ZMYND12: variants seen among roughly 807,000 people sequenced by gnomAD.
The protein encoded by ZMYND12 is zinc finger MYND-type containing 12, also known as zinc finger MYND domain-containing protein 12.
In ZMYND12, 32 loss-of-function variants were observed where a neutral mutation model predicts 41.7. The ratio of observed to expected loss-of-function variants is 0.77; its 90% CI spans 0.58 to 1.03. The LOEUF (loss-of-function observed/expected upper bound fraction) is 1.03. ZMYND12 is among the 50% of genes least tolerant of loss of function. The pLI, the probability that ZMYND12 is intolerant of heterozygous loss-of-function variation, is 0.00. For synonymous variants in ZMYND12, 148 were observed against 164.8 expected, an observed-to-expected ratio of 0.90 and a Z score of 0.78; for missense variants, 424 against 438.5, an observed-to-expected ratio of 0.97 and a Z score of 0.30.
In ZMYND12 at chr1:42,433,065, G is replaced by A. The variant is rs915628536; in HGVS notation, c.975+78C>T. On this transcript the variant is annotated intron_variant, in intron 7 of 7. Coordinates refer to ENST00000372565, the MANE Select transcript of ZMYND12 (RefSeq NM_032257.5). ...TGAGGGCAAAAGCTATTGGAATTGG[G>A]CAAAACACAAATTTTGAGTTCAACT... The A allele has an allele frequency of 4.5e-5, 71 of 1,582,964 alleles. No individual in the cohort carries two copies. The African/African-American group carries it at 9.0e-4, about 20-fold the overall frequency.
chr1:42,437,401 G>A (rs79719052), intron 4 of ZMYND12, among the ~76,000 whole-genome samples: 2,572 of 150,772 alleles, frequency 0.017, 64 homozygotes, highest in African/African-American at 0.059. Flanking sequence ...AATTGTACAC[G>A]TAAAATGGGT....
chr1:42,448,367 T>C (rs1643045857), intron 3 of ZMYND12, 100 bp downstream of exon 3: 1 of 1,326,478 alleles, frequency 7.5e-7, no homozygotes. Context: ...CTACAATAGG[T>C]CTCTTGGTGC....
rs1642871434 is a variant in ZMYND12, at chr1:42,433,153, T to C, written c.965A>G (p.Asn322Ser). ...ILVMFYYLMM[N>S]SSKAQEYGMR... Reference sequence around the variant, plus strand: ...TTTAGGGAAACTTGCCTTTGAAGAATTCATCATCAGGTAGTAAAACATGAC... The same window carrying C: ...TTTAGGGAAACTTGCCTTTGAAGAACTCATCATCAGGTAGTAAAACATGAC... Residue 322 changes from asparagine (N) to serine (S), a missense_variant, in exon 7 of 8, where the codon AAT becomes AGT. Coordinates refer to ENST00000372565, the MANE Select transcript of ZMYND12 (RefSeq NM_032257.5). The C allele has an allele frequency of 6.2e-7, 1 of 1,607,560 alleles. No homozygotes were observed. The highest frequency in any genetic ancestry group is 1.3e-5 in the African/African-American group (1 of 74,592).
intron 3 of ZMYND12, among the ~76,000 whole-genome samples, chr1:42,441,796 A>G (rs1346341250): frequency 6.6e-6 from 1 of 151,558 alleles, no homozygotes; most frequent in Non-Finnish European, 1.5e-5. Context: ...AATTTTTTGT[A>G]TTTTTAGTAG....
At position 42,436,465 on chromosome 1, in the gene ZMYND12, A is replaced by C; in HGVS notation, c.673T>G (p.Tyr225Asp). Residue 225 changes from tyrosine to aspartate, a missense_variant, in exon 5 of 8, where the codon TAT becomes GAT. Coordinates refer to ENST00000372565, the MANE Select transcript of ZMYND12 (RefSeq NM_032257.5). Reference sequence around the variant, plus strand: ...GCCAGGTCCAACTTTTTAAGGTCATAGAATATATTAGCCAGGTGGAAGTAG... The same window carrying C: ...GCCAGGTCCAACTTTTTAAGGTCATCGAATATATTAGCCAGGTGGAAGTAG... ...GGYFHLANIF[Y>D]DLKKLDLADT... The C allele has an allele frequency of 6.2e-7, 1 of 1,613,842 alleles. No homozygotes were observed. Among genetic ancestry groups the C allele is most frequent in the Non-Finnish European group, 8.5e-7 (1 of 1,179,720 alleles).
chr1:42,446,444 G>C (rs987262774), intron 3 of ZMYND12, among the ~76,000 whole-genome samples: 13 of 152,134 alleles, frequency 8.5e-5, no homozygotes, highest in South Asian at 4.2e-4. Flanking sequence ...GATCACTTGA[G>C]GACAGGAGTT....
Position 42,436,561 on chromosome 1 carries a change from A to T in ZMYND12, c.595-18T>A. 1.2e-6 allele frequency: 2 copies of T among 1,611,768 alleles called. No homozygotes were observed. Among genetic ancestry groups the T allele is most frequent in the Non-Finnish European group, 1.7e-6 (2 of 1,178,280 alleles). ...AAATAAATCTATAGCAGAAGGAAGA[A>T]GGAGAGTGCTTGAGTTCCTTTTGCA... On this transcript the variant is annotated intron_variant, in intron 4 of 7. Transcript: ENST00000372565.
At chr1:42,441,304 A>C (rs570889530) in intron 3 of ZMYND12, among the ~76,000 whole-genome samples, 1 of 152,310 alleles carries the variant, frequency 6.6e-6, no homozygotes, top group South Asian at 2.1e-4. Flanking sequence ...AGCATGTGCA[A>C]TGTCATAGAA....
At chr1:42,436,671 C>T (rs1334409840) in intron 4 of ZMYND12, 128 bp from the exon 5 acceptor site, 2 of 1,103,546 alleles carry the variant, frequency 1.8e-6, no homozygotes, top group South Asian at 3.3e-5. Context: ...GGCAAAAGAT[C>T]TGAATTGACA....
intron 2 of ZMYND12, 30 bp downstream of exon 2, chr1:42,449,888 C>T: frequency 1.9e-6 from 3 of 1,605,836 alleles, no homozygotes; most frequent in Non-Finnish European, 2.5e-6. Flanking sequence ...GCACCTACGA[C>T]TTAACCTTGG....
intron 3 of ZMYND12, among the ~76,000 whole-genome samples, chr1:42,445,943 C>T (rs1643019675): frequency 6.6e-6 from 1 of 152,080 alleles, no homozygotes; most frequent in South Asian, 2.1e-4. Context: ...GTAAACAGAA[C>T]CTGGGCTGTA....
At position 42,435,261 on chromosome 1, in the gene ZMYND12, A is replaced by C; in HGVS notation, c.829+13T>G. 1.3e-6 allele frequency: 2 copies of C among 1,596,660 alleles called. No homozygotes were observed. The highest frequency in any genetic ancestry group is 4.5e-5 in the East Asian group (2 of 44,776). On this transcript the variant is annotated intron_variant, in intron 6 of 7. Coordinates refer to ENST00000372565, the MANE Select transcript of ZMYND12 (RefSeq NM_032257.5). ...AAGTCACTGCTCTCCCTTCAGGGAAAACTGCCACTTACCCAAGCCAGTGTC... is the reference window on the plus strand; with the variant it reads ...AAGTCACTGCTCTCCCTTCAGGGAACACTGCCACTTACCCAAGCCAGTGTC...
chr1:42,441,441 T>C (rs1642967568), intron 3 of ZMYND12, among the ~76,000 whole-genome samples: 1 of 152,202 alleles, frequency 6.6e-6, no homozygotes. Flanking sequence ...TAGTGTAGTA[T>C]TTGCATATAA....
chr1:42,441,855 T>C lies in ZMYND12; in HGVS notation c.425-1830A>G, dbSNP rs566825040. Among the ~76,000 whole-genome samples, 617 of 152,264 alleles carry C rather than the reference T, an allele frequency of 4.1e-3. 3 individuals are homozygous for C. The highest frequency in any genetic ancestry group is 0.014 in the African/African-American group (580 of 41,550). On this transcript the variant is annotated intron_variant, in intron 3 of 7. Transcript: ENST00000372565. ...CGGGATGGTCTCGATCTCCTGACCT[T>C]GTGATCCGCCCGCCTCGGCCTCCCA...
At chr1:42,435,662 C>T (rs1642898481) in intron 5 of ZMYND12, 2 of 276,720 alleles carry the variant, frequency 7.2e-6, no homozygotes, top group East Asian at 7.3e-5. Context: ...GCACACACAA[C>T]ACGAAACCTT....
At chr1:42,446,660 A>G (rs1025659871) in intron 3 of ZMYND12, among the ~76,000 whole-genome samples, 1 of 151,868 alleles carries the variant, frequency 6.6e-6, no homozygotes, top group African/African-American at 2.4e-5. Flanking sequence ...TCAAAAAAAA[A>G]AAAAAGATAT....
At chr1:42,445,078 G>T (rs1005710634) in intron 3 of ZMYND12, among the ~76,000 whole-genome samples, 3 of 151,056 alleles carry the variant, frequency 2.0e-5, no homozygotes, top group Admixed American at 2.0e-4. Flanking sequence ...AAAGTGCTGG[G>T]ATTACAGGTG....
chr1:42,450,917 T>G (rs892609203), intron 1 of ZMYND12, among the ~76,000 whole-genome samples: 1 of 152,244 alleles, frequency 6.6e-6, no homozygotes, highest in Admixed American at 6.5e-5. Context: ...ACTACTAATT[T>G]CATTCCATGT....
At chr1:42,454,793 T>C (rs1643132450) in intron 1 of ZMYND12, among the ~76,000 whole-genome samples, 1 of 150,180 alleles carries the variant, frequency 6.7e-6, no homozygotes, top group South Asian at 2.1e-4. Flanking sequence ...AACCTCCGCC[T>C]CCCGGGTTCA....
Sources: gnomAD v4.1 joint callset for allele counts (sites outside exome capture counted in the v4.1 genomes callset) on GRCh38, gnomAD v4.1.1 for gene constraint, MANE v1.5 for transcripts, NCBI Gene and HGNC (gene_info 2026-07-23, HGNC 2026-07-21) for gene names.